The following MAP1LC3A variants were observed in gnomAD, a reference collection of about 807,000 sequenced individuals.
The protein encoded by MAP1LC3A is microtubule associated protein 1 light chain 3 alpha.
A neutral mutation model predicts 15.2 loss-of-function variants in MAP1LC3A; 10 were observed. That is an observed-to-expected ratio of 0.66 (90% CI 0.41 to 1.12). The LOEUF (loss-of-function observed/expected upper bound fraction) is 1.12. Ranked by LOEUF, MAP1LC3A falls within the 50% of genes most tolerant of loss-of-function variation. The pLI, the probability that MAP1LC3A is intolerant of heterozygous loss-of-function variation, is 0.00. For missense variants in MAP1LC3A, 138 were observed against 167.3 expected, an observed-to-expected ratio of 0.82 and a Z score of 0.97; for synonymous variants, 63 against 64.3, an observed-to-expected ratio of 0.98 and a Z score of 0.10.
At chr20:34,554,354 GTTTTTT>G (rs537779341), upstream of MAP1LC3A, among the ~76,000 whole-genome samples, 3 of 106,184 alleles carry the variant, frequency 2.8e-5, no homozygotes, top group African/African-American at 1.2e-4. Context: ...TATACGTTGG[GTTTTTT>G]TTTTTTTTTT....
upstream of MAP1LC3A, chr20:34,558,076 C>T: frequency 1.0e-6 from 1 of 985,502 alleles, no homozygotes; most frequent in Non-Finnish European, 1.2e-6. The surrounding 1 kb of genome is among the most constrained non-coding windows in gnomAD (Gnocchi z 4.3). Flanking sequence ...CCCGCGAGTT[C>T]TCCTGGCGTT....
At chr20:34,558,479 G>T, upstream of MAP1LC3A, 1 of 1,021,266 alleles carries the variant, frequency 9.8e-7, no homozygotes, top group Non-Finnish European at 1.2e-6. This position sits in a 1 kb window ranked among gnomAD's most constrained non-coding sequence, Gnocchi z 4.3. Context: ...ATCGGCCTAG[G>T]GCGGCCCCAC....
upstream of MAP1LC3A, chr20:34,558,448 G>A (rs1982240953): frequency 2.0e-6 from 2 of 1,000,314 alleles, no homozygotes; most frequent in East Asian, 1.0e-4. This position sits in a 1 kb window ranked among gnomAD's most constrained non-coding sequence, Gnocchi z 4.3. Flanking sequence ...CCGTGGGGCT[G>A]CAGCCTGGCC....
At chr20:34,554,608 A>G (rs1475216586), upstream of MAP1LC3A, among the ~76,000 whole-genome samples, 2 of 151,746 alleles carry the variant, frequency 1.3e-5, no homozygotes, top group South Asian at 4.2e-4. Flanking sequence ...TCTTAACCTC[A>G]TGATCCGCCT....
chr20:34,548,188 C>G (rs909374751), intron 1 of MAP1LC3A, among the ~76,000 whole-genome samples: 4 of 152,232 alleles, frequency 2.6e-5, no homozygotes, highest in African/African-American at 9.6e-5. Context: ...AGATGACTTC[C>G]TTTGGACGTG....
Position 34,558,867 on chromosome 20 carries a change from C to T in MAP1LC3A, c.-2C>T, listed in dbSNP as rs778957226. 5.5e-5 allele frequency: 79 copies of T among 1,439,448 alleles called. No individual in the cohort carries two copies. The highest frequency in any genetic ancestry group is 6.9e-5 in the Non-Finnish European group (76 of 1,102,338). 89.2% of individuals were successfully genotyped at this position (1,439,448 alleles called of 1,614,324 possible). A position where few individuals can be genotyped will look rare whatever the true frequency, so the allele number is the denominator to read the frequency against. On this transcript the variant is annotated 5_prime_UTR_variant, in exon 1 of 4. Coordinates refer to ENST00000360668, the MANE Select transcript of MAP1LC3A (RefSeq NM_032514.4). This position sits in a 1 kb window ranked among gnomAD's most constrained non-coding sequence, Gnocchi z 4.3. ...GCCTGCGCGCCCAGCCGGGCCCGCG[C>T]GATGCCCTCAGACCGGCCTTTCAAG...
chr20:34,553,524 C>A (rs1982026759), intron 2 of MAP1LC3A, among the ~76,000 whole-genome samples: 1 of 152,166 alleles, frequency 6.6e-6, no homozygotes, highest in Non-Finnish European at 1.5e-5. Flanking sequence ...CTTTCCAAGG[C>A]TGACCCAGTT....
At chr20:34,552,339 G>A (rs10221989) in intron 2 of MAP1LC3A, among the ~76,000 whole-genome samples, 105 of 152,322 alleles carry the variant, frequency 6.9e-4, no homozygotes, top group African/African-American at 2.5e-3. Context: ...GGTGTAAGAG[G>A]GACCACTACC....
chr20:34,557,707 A>G (rs989323342), upstream of MAP1LC3A, among the ~76,000 whole-genome samples: 2 of 152,182 alleles, frequency 1.3e-5, no homozygotes, highest in Admixed American at 6.5e-5. Context: ...CGAGTGGATC[A>G]CGAGGTCAGG....
rs1452729235 is a variant in MAP1LC3A, at chr20:34,559,849, A to T, written c.317A>T (p.Asp106Val). 6.2e-7 allele frequency: 1 copy of T among 1,613,888 alleles called. No individual in the cohort carries two copies. Among genetic ancestry groups the T allele is most frequent in the South Asian group, 1.1e-5 (1 of 91,072 alleles). Residue 106 changes from aspartate to valine, a missense_variant, in exon 4 of 4, where the codon GAC becomes GTC. Asp to Val is a radical substitution (Grantham distance 152). Transcript: ENST00000360668. The stretch of plus-strand genomic sequence containing the variant: ...ATCTACGAGCAGGAGAAAGACGAGG[A>T]CGGCTTCCTCTATATGGTCTACGCC... ...ADIYEQEKDE[D>V]GFLYMVYASQ... is the part of the protein sequence containing the mutation.
chr20:34,557,969 C>T (rs1346196299), upstream of MAP1LC3A: 4 of 310,114 alleles, frequency 1.3e-5, no homozygotes, highest in African/African-American at 2.3e-5. Context: ...TCAGTCTGCG[C>T]ATTCTGCTCT....
intron 1 of MAP1LC3A, among the ~76,000 whole-genome samples, chr20:34,547,927 T>C (rs559705177): frequency 1.6e-4 from 24 of 152,234 alleles, no homozygotes; most frequent in South Asian, 6.2e-4. Flanking sequence ...GGCTGATTGT[T>C]CAGATAGGCG....
chr20:34,551,587 C>T (rs773617999), intron 2 of MAP1LC3A, among the ~76,000 whole-genome samples: 1 of 146,438 alleles, frequency 6.8e-6, no homozygotes, highest in Non-Finnish European at 1.5e-5. Flanking sequence ...TTCTCCGATT[C>T]AGGAGGTAGC....
In MAP1LC3A at chr20:34,558,984, C is replaced by T; in HGVS notation, c.40+76C>T. On this transcript the variant is annotated intron_variant, in intron 1 of 3. Transcript: ENST00000360668. The surrounding 1 kb of genome is among the most constrained non-coding windows in gnomAD (Gnocchi z 4.3). ...CCCCGACTGCCGCAGGTGACGTCAG[C>T]CCCGTGACGTCAGGCTCTGGCTGGA... The T allele has an allele frequency of 2.2e-6, 3 of 1,341,194 alleles. No individual in the cohort carries two copies. The highest frequency in any genetic ancestry group is 6.3e-5 in the East Asian group (2 of 31,974). 83.1% of individuals were successfully genotyped at this position (1,341,194 alleles called of 1,614,324 possible).
upstream of MAP1LC3A, chr20:34,558,541 G>GACGT: frequency 8.8e-7 from 1 of 1,132,172 alleles, no homozygotes; most frequent in Non-Finnish European, 1.1e-6. This position sits in a 1 kb window ranked among gnomAD's most constrained non-coding sequence, Gnocchi z 4.3. Context: ...CTCCCGCGCT[G>GACGT]CCCATGACGT....
chr20:34,549,862 T>G, intron 1 of MAP1LC3A: 1 of 818,464 alleles, frequency 1.2e-6, no homozygotes, highest in South Asian at 1.5e-5. Context: ...CAGTCCCTCC[T>G]GCCTCCTGCC....
At chr20:34,548,159 G>A (rs2146667809) in intron 1 of MAP1LC3A, among the ~76,000 whole-genome samples, 1 of 152,340 alleles carries the variant, frequency 6.6e-6, no homozygotes, top group South Asian at 2.1e-4. Flanking sequence ...ATTAGCTAGA[G>A]GCACAGGCTT....
Position 34,559,196 on chromosome 20 carries a change from C to T in MAP1LC3A, c.41-12C>T. 1 of 1,581,196 alleles carries T rather than the reference C, an allele frequency of 6.3e-7. No homozygotes were observed. The highest frequency in any genetic ancestry group is 8.6e-7 in the Non-Finnish European group (1 of 1,165,894). ...GCCCGACCCGGCCTCACGGTCTGGC[C>T]GCTGTCCGCAGCCGACCGCTGTAAG... On this transcript the variant is annotated splice_polypyrimidine_tract_variant and intron_variant, in intron 1 of 3. Transcript: ENST00000360668.
chr20:34,558,883 G>A lies in MAP1LC3A; in HGVS notation c.15G>A (p.Arg5=), dbSNP rs973265606. MPSD[R]PFKQRRSFAD... is the part of the protein sequence containing the mutation. ...GGGCCCGCGCGATGCCCTCAGACCGGCCTTTCAAGCAGCGGCGGAGCTTCG... is the reference window on the plus strand; with the variant it reads ...GGGCCCGCGCGATGCCCTCAGACCGACCTTTCAAGCAGCGGCGGAGCTTCG... Residue 5 remains arginine (R), a synonymous_variant, in exon 1 of 4, where the codon CGG becomes CGA. Coordinates refer to ENST00000360668, the MANE Select transcript of MAP1LC3A (RefSeq NM_032514.4). This position sits in a 1 kb window ranked among gnomAD's most constrained non-coding sequence, Gnocchi z 4.3. 2.1e-6 allele frequency: 3 copies of A among 1,429,350 alleles called. No individual in the cohort carries two copies. The highest frequency in any genetic ancestry group is 2.7e-6 in the Non-Finnish European group (3 of 1,096,600). 88.5% of individuals were successfully genotyped at this position (1,429,350 alleles called of 1,614,324 possible).
Sources: gnomAD v4.1 joint callset for allele counts (sites outside exome capture counted in the v4.1 genomes callset) on GRCh38, gnomAD v4.1.1 for gene constraint, Gnocchi (gnomAD v3.1) non-coding constraint, MANE v1.5 for transcripts, NCBI Gene and HGNC (gene_info 2026-07-23, HGNC 2026-07-21) for gene names.